DOCK2: variants seen among roughly 807,000 people sequenced by gnomAD.
DOCK2 encodes dedicator of cytokinesis 2.
In DOCK2, 87 loss-of-function variants were observed where a neutral mutation model predicts 248.9. The ratio of observed to expected loss-of-function variants is 0.35; its 90% confidence interval spans 0.29 to 0.42. DOCK2 has a LOEUF of 0.42. Among genes scored for constraint, DOCK2 ranks in the 10% least tolerant of loss-of-function variants. DOCK2 has a pLI of 1.00. For missense variants in DOCK2, 1,747 were observed against 2,300.2 expected, an observed-to-expected ratio of 0.76 and a Z score of 4.92; for synonymous variants, 805 against 821.6, an observed-to-expected ratio of 0.98 and a Z score of 0.35.
At chr5:169,918,288 G>C (rs1453320853) in intron 27 of DOCK2, among the ~76,000 whole-genome samples, 2 of 152,164 alleles carry the variant, frequency 1.3e-5, no homozygotes, top group Non-Finnish European at 2.9e-5. Flanking sequence ...CTCTCAAAAT[G>C]TTGTGGTTTG....
At chr5:169,812,704 C>T (rs6860963) in intron 26 of DOCK2, among the ~76,000 whole-genome samples, 23,260 of 152,268 alleles carry the variant, frequency 0.15, 2,187 homozygotes, top group Admixed American at 0.22. Context: ...ACTCTATGCA[C>T]GTGGCTTTCC....
intron 27 of DOCK2, among the ~76,000 whole-genome samples, chr5:169,904,327 G>A (rs1030146143): frequency 1.3e-5 from 2 of 152,096 alleles, no homozygotes; most frequent in South Asian, 2.1e-4. Flanking sequence ...TTCTTGCAAC[G>A]CTGGGCTTGC....
intron 25 of DOCK2, among the ~76,000 whole-genome samples, chr5:169,768,462 G>T (rs926892243): frequency 2.0e-5 from 3 of 152,196 alleles, no homozygotes; most frequent in African/African-American, 7.2e-5. Flanking sequence ...GAGAACAAGT[G>T]CCTCACCATT....
At chr5:169,957,137 C>A (rs1776902928) in intron 27 of DOCK2, among the ~76,000 whole-genome samples, 1 of 152,104 alleles carries the variant, frequency 6.6e-6, no homozygotes, top group South Asian at 2.1e-4. Context: ...AGGGCAGGGA[C>A]TATGTGTGAT....
chr5:169,685,774 C>T (rs1759934757), intron 8 of DOCK2, among the ~76,000 whole-genome samples: 1 of 152,166 alleles, frequency 6.6e-6, no homozygotes, highest in Non-Finnish European at 1.5e-5. Context: ...ATCTAATCCT[C>T]ATGGTTCCGT....
At chr5:169,775,983 G>A (rs1765361351) in intron 25 of DOCK2, among the ~76,000 whole-genome samples, 2 of 151,650 alleles carry the variant, frequency 1.3e-5, no homozygotes, top group African/African-American at 4.8e-5. Context: ...TGGGAAAAAT[G>A]GCATTTATTC....
At chr5:169,766,309 G>A (rs553446599) in intron 25 of DOCK2, among the ~76,000 whole-genome samples, 121 of 152,274 alleles carry the variant, frequency 7.9e-4, no homozygotes, top group Middle Eastern at 3.4e-3. Flanking sequence ...ACTTATAAGT[G>A]AGAACATGCG....
At chr5:170,055,869 C>G (rs942885856) in intron 42 of DOCK2, among the ~76,000 whole-genome samples, 1 of 152,182 alleles carries the variant, frequency 6.6e-6, no homozygotes, top group Non-Finnish European at 1.5e-5. Context: ...GAGGAAGTGC[C>G]GTGAAGGCTG....
intron 27 of DOCK2, among the ~76,000 whole-genome samples, chr5:169,885,738 C>G (rs1406415524): frequency 6.6e-6 from 1 of 152,212 alleles, no homozygotes; most frequent in Non-Finnish European, 1.5e-5. Context: ...TCATTAATCA[C>G]AAACTACTCT....
chr5:169,725,692 T>C (rs1182606253), intron 22 of DOCK2, among the ~76,000 whole-genome samples: 1 of 151,610 alleles, frequency 6.6e-6, no homozygotes, highest in Non-Finnish European at 1.5e-5. Context: ...GTGTGTGATG[T>C]TCCCCACCAT....
At chr5:169,891,206 A>G (rs1773259186) in intron 27 of DOCK2, among the ~76,000 whole-genome samples, 1 of 152,020 alleles carries the variant, frequency 6.6e-6, no homozygotes, top group Non-Finnish European at 1.5e-5. Flanking sequence ...CTCTTTCCCC[A>G]GATCCTTCCA....
chr5:169,770,233 A>G (rs572389074), intron 25 of DOCK2, among the ~76,000 whole-genome samples: 1 of 151,474 alleles, frequency 6.6e-6, no homozygotes, highest in Non-Finnish European at 1.5e-5. Context: ...GTTAACAATC[A>G]CTTACGTGTA....
intron 29 of DOCK2, among the ~76,000 whole-genome samples, chr5:169,995,027 TTA>T (rs529605013): frequency 1.1e-5 from 1 of 91,224 alleles, no homozygotes; most frequent in African/African-American, 5.0e-5. Context: ...TTGTTATTTT[TTA>T]TTTTTTTTTT....
At chr5:170,012,157 G>A (rs959459348) in intron 32 of DOCK2, among the ~76,000 whole-genome samples, 1 of 152,176 alleles carries the variant, frequency 6.6e-6, no homozygotes, top group East Asian at 1.9e-4. Context: ...CAAGTGCAAT[G>A]TTCTTACAAA....
intron 26 of DOCK2, among the ~76,000 whole-genome samples, chr5:169,832,920 A>G (rs1319175176): frequency 6.6e-6 from 1 of 152,148 alleles, no homozygotes; most frequent in East Asian, 1.9e-4. Flanking sequence ...TCATCTTAGC[A>G]CTGAAAAGGC....
intron 27 of DOCK2, among the ~76,000 whole-genome samples, chr5:169,843,436 G>A (rs555441973): frequency 1.3e-5 from 2 of 152,138 alleles, no homozygotes; most frequent in Non-Finnish European, 2.9e-5. Context: ...GCAGGAGAAT[G>A]GCATGAACCC....
intron 25 of DOCK2, among the ~76,000 whole-genome samples, chr5:169,801,019 G>A (rs1766943990): frequency 8.1e-6 from 1 of 123,034 alleles, no homozygotes; most frequent in Admixed American, 1.0e-4. Flanking sequence ...GCAGTTGTGT[G>A]ACCTTGGCTC....
chr5:169,923,259 G>A (rs1775271466), intron 27 of DOCK2, among the ~76,000 whole-genome samples: 1 of 152,184 alleles, frequency 6.6e-6, no homozygotes. Context: ...AACATGAGAT[G>A]TCTGGGTGGT....
Position 169,781,118 on chromosome 5 carries a change from A to C in DOCK2, c.2554+19493A>C, listed in dbSNP as rs560400667. ...CGTCACGAGGTGCACTCACACACCT[A>C]TGCTCACTCACACAGTGGCCATGTG... On this transcript the variant is annotated intron_variant, in intron 25 of 51. Coordinates refer to ENST00000520908, the MANE Select transcript of DOCK2 (RefSeq NM_004946.3). 2.3e-4 allele frequency among the ~76,000 whole-genome samples: 35 copies of C among 152,312 alleles called. No individual in the cohort carries two copies. The South Asian group carries it at 6.0e-3, about 26-fold the overall frequency.
Sources: allele counts gnomAD v4.1 joint callset (sites outside exome capture counted in the v4.1 genomes callset), GRCh38; gene constraint gnomAD v4.1.1; transcripts MANE v1.5; gene names NCBI Gene and HGNC (gene_info 2026-07-23, HGNC 2026-07-21).